IL1R1: variants seen among roughly 807,000 people sequenced by gnomAD.
IL1R1 encodes the protein interleukin-1 receptor type 1.
IL1R1 carries 22 observed loss-of-function variants against 50.2 expected under a neutral mutation model. The observed-to-expected ratio is 0.44, with a 90% CI of 0.31 to 0.63. The LOEUF (loss-of-function observed/expected upper bound fraction) is 0.63, where lower values mean the gene tolerates loss of function less well. IL1R1 is among the 20% of genes least tolerant of loss of function. IL1R1 has a pLI of 0.07. For synonymous variants in IL1R1, 251 were observed against 236.7 expected (o/e 1.06, Z -0.55); for missense variants, 509 against 676.2 (o/e 0.75, Z 2.74).
intron 1 of IL1R1, among the ~76,000 whole-genome samples, chr2:102,148,234 CTG>C (rs1683325578): frequency 1.3e-5 from 2 of 152,212 alleles, no homozygotes; most frequent in African/African-American, 4.8e-5. Context: ...CCAGCACGCT[CTG>C]TGGTTATTTC....
rs1395349210 is a variant in IL1R1, at chr2:102,129,314, C to T, written c.-84+24442C>T. On this transcript the variant is annotated intron_variant, in intron 1 of 10. Transcript: ENST00000409329. The stretch of plus-strand genomic sequence containing the variant: ...AACAACAAAACCAAAACAAGAACTC[C>T]TTCCCAAAGAAAAGTAGTAAACCAT... Among the ~76,000 whole-genome samples, 7 of 152,246 alleles carry T rather than the reference C, an allele frequency of 4.6e-5. No individual in the cohort carries two copies. The East Asian group carries it at 1.2e-3, about 25-fold the overall frequency.
At chr2:102,071,314 G>C (rs1273362347) in intron 1 of IL1R1, among the ~76,000 whole-genome samples, 1 of 152,078 alleles carries the variant, frequency 6.6e-6, no homozygotes, top group Non-Finnish European at 1.5e-5. Flanking sequence ...TAACTAAATA[G>C]GGTGATATCA....
intron 5 of IL1R1, 126 bp downstream of exon 5, chr2:102,165,430 A>G (rs1685102386): frequency 2.1e-6 from 1 of 468,156 alleles, no homozygotes; most frequent in Non-Finnish European, 3.7e-6. Context: ...GTGAAACTTG[A>G]TAGGGAACCT....
chr2:102,088,435 CT>C (rs1252423983), intron 1 of IL1R1, among the ~76,000 whole-genome samples: 1 of 151,690 alleles, frequency 6.6e-6, no homozygotes, highest in African/African-American at 2.4e-5. Flanking sequence ...TTTTTTTCCC[CT>C]GAGAACTAGC....
intron 1 of IL1R1, among the ~76,000 whole-genome samples, chr2:102,092,123 A>G (rs1010988078): frequency 1.3e-5 from 2 of 152,092 alleles, no homozygotes; most frequent in Middle Eastern, 3.4e-3. Context: ...TTTGTTTGAG[A>G]CCCCCCTCAA....
chr2:102,105,993 G>C (rs908985120), intron 1 of IL1R1, among the ~76,000 whole-genome samples: 1 of 152,154 alleles, frequency 6.6e-6, no homozygotes, highest in Non-Finnish European at 1.5e-5. Flanking sequence ...AAATGGGACT[G>C]AACCTGAAAG....
At chr2:102,116,352 G>A (rs990226247) in intron 1 of IL1R1, among the ~76,000 whole-genome samples, 5 of 152,190 alleles carry the variant, frequency 3.3e-5, no homozygotes, top group East Asian at 1.9e-4. Context: ...TGCTAGCATG[G>A]CATTAACAAT....
chr2:102,173,676 A>C (rs1266828299), intron 9 of IL1R1, among the ~76,000 whole-genome samples: 8 of 152,224 alleles, frequency 5.3e-5, no homozygotes. Flanking sequence ...TCCCCAAATG[A>C]ATCTATGGAT....
rs3917328 is a variant in IL1R1 at position 102,178,081 on chromosome 2, C to T, written c.*1322C>T. The T allele has an allele frequency of 0.05, 7,718 of 152,962 alleles. 236 individuals carry two copies. Among genetic ancestry groups the T allele is most frequent in the Middle Eastern group, 0.14 (44 of 306 alleles). The allele number at this position is 152,962 out of a possible 1,614,324, so 9.5% of individuals were successfully genotyped here. ...CCCCCAGCACTCCTCTGTCTCTGCT[C>T]TTGCCTGCACCCTTCCTCCTCCTTT... On this transcript the variant is annotated 3_prime_UTR_variant, in exon 12 of 12. Transcript: ENST00000410023.
intron 1 of IL1R1, among the ~76,000 whole-genome samples, chr2:102,096,615 CTT>C (rs1325526355): frequency 6.6e-6 from 1 of 151,384 alleles, no homozygotes; most frequent in Non-Finnish European, 1.5e-5. Flanking sequence ...GTTACTAACT[CTT>C]TATAAGTTAT....
intron 1 of IL1R1, among the ~76,000 whole-genome samples, chr2:102,110,720 G>C (rs1198520433): frequency 6.6e-6 from 1 of 151,864 alleles, no homozygotes; most frequent in African/African-American, 2.4e-5. Flanking sequence ...AACCATTTGC[G>C]ATCACAACGT....
intron 1 of IL1R1, among the ~76,000 whole-genome samples, chr2:102,120,441 A>G (rs903440185): frequency 3.4e-4 from 51 of 152,132 alleles, no homozygotes; most frequent in African/African-American, 1.2e-3. Flanking sequence ...GTATTTTACT[A>G]GGTGCTTAGT....
At chr2:102,128,316 G>T (rs1681837768) in intron 1 of IL1R1, among the ~76,000 whole-genome samples, 2 of 152,146 alleles carry the variant, frequency 1.3e-5, no homozygotes, top group Non-Finnish European at 2.9e-5. Flanking sequence ...TAGAAATACT[G>T]TCAGGTACAC....
chr2:102,133,296 C>T (rs1188105385), intron 1 of IL1R1, among the ~76,000 whole-genome samples: 1 of 148,042 alleles, frequency 6.8e-6, no homozygotes, highest in Non-Finnish European at 1.5e-5. Context: ...GCCCAGATAA[C>T]ACGTCTTGTG....
At chr2:102,081,922 C>T (rs761429251) in intron 1 of IL1R1, among the ~76,000 whole-genome samples, 1 of 152,182 alleles carries the variant, frequency 6.6e-6, no homozygotes, top group African/African-American at 2.4e-5. Flanking sequence ...AAAGGCAGTT[C>T]TACTTTTAAA....
chr2:102,080,920 C>T (rs975322918), intron 1 of IL1R1, among the ~76,000 whole-genome samples: 1 of 152,132 alleles, frequency 6.6e-6, no homozygotes, highest in African/African-American at 2.4e-5. Context: ...CATAGAGGAA[C>T]CTTGAAAGCA....
intron 1 of IL1R1, among the ~76,000 whole-genome samples, chr2:102,124,088 G>T (rs1681553558): frequency 6.6e-6 from 1 of 152,114 alleles, no homozygotes; most frequent in African/African-American, 2.4e-5. Flanking sequence ...GGAGCTGGCA[G>T]GGTGGACACC....
At chr2:102,134,071 T>C (rs896207243) in intron 1 of IL1R1, among the ~76,000 whole-genome samples, 1 of 152,194 alleles carries the variant, frequency 6.6e-6, no homozygotes, top group Admixed American at 6.5e-5. Context: ...TATACAAAAA[T>C]CAGTTGTATA....
chr2:102,083,631 G>T (rs1181242513), intron 1 of IL1R1, among the ~76,000 whole-genome samples: 1 of 152,076 alleles, frequency 6.6e-6, no homozygotes, highest in Non-Finnish European at 1.5e-5. Context: ...ACAATTACAA[G>T]CTGTGCTAAT....
Sources: gnomAD v4.1 joint callset for allele counts (sites outside exome capture counted in the v4.1 genomes callset) on GRCh38, gnomAD v4.1.1 for gene constraint, MANE v1.5 for transcripts, NCBI Gene and HGNC (gene_info 2026-07-23, HGNC 2026-07-21) for gene names.